SOX5: variants seen among roughly 807,000 people sequenced by gnomAD.
The protein encoded by SOX5 is SRY-box transcription factor 5, also known as transcription factor SOX-5.
In SOX5, 9 loss-of-function variants were observed where a neutral mutation model predicts 92.0. The observed-to-expected ratio is 0.10, with a 90% CI of 0.06 to 0.17. The LOEUF (loss-of-function observed/expected upper bound fraction) is 0.17. Among genes scored for constraint, SOX5 ranks in the 10% least tolerant of loss-of-function variants. The pLI is 1.00. For synonymous variants in SOX5, 344 were observed against 336.3 expected (o/e 1.02, Z -0.25); for missense variants, 642 against 944.5 (o/e 0.68, Z 4.20).
At chr12:23,620,759 A>G (rs866605681) in intron 8 of SOX5, among the ~76,000 whole-genome samples, 1 of 152,168 alleles carries the variant, frequency 6.6e-6, no homozygotes, top group Middle Eastern at 3.4e-3. Flanking sequence ...AATAGGCTTC[A>G]TTTTCAATTG....
intron 4 of SOX5, among the ~76,000 whole-genome samples, chr12:24,136,290 G>C (rs969259345): frequency 6.6e-6 from 1 of 152,220 alleles, no homozygotes; most frequent in South Asian, 2.1e-4. Context: ...GTGGAGTAGA[G>C]TCATGGGTTT....
intron 3 of SOX5, among the ~76,000 whole-genome samples, chr12:24,218,488 A>G (rs1366840582): frequency 1.3e-5 from 2 of 152,172 alleles, no homozygotes; most frequent in African/African-American, 4.8e-5. Context: ...ACACTGGAGG[A>G]GTAATGGAGA....
intron 7 of SOX5, among the ~76,000 whole-genome samples, chr12:23,647,060 C>T (rs2080949126): frequency 1.3e-5 from 2 of 152,164 alleles, no homozygotes; most frequent in Admixed American, 1.3e-4. Flanking sequence ...ATCACTGTGG[C>T]AGTGACAGGT....
At chr12:24,108,312 A>T (rs1378302128) in intron 4 of SOX5, among the ~76,000 whole-genome samples, 1 of 151,106 alleles carries the variant, frequency 6.6e-6, no homozygotes, top group Admixed American at 6.7e-5. Context: ...TAGTTTTTCC[A>T]TCCTTTTTTT....
At chr12:23,947,831 G>A (rs1944859414) in intron 1 of SOX5, among the ~76,000 whole-genome samples, 1 of 151,840 alleles carries the variant, frequency 6.6e-6, no homozygotes, top group Non-Finnish European at 1.5e-5. Context: ...GTTCACAGCA[G>A]GAAGCTTGCC....
At chr12:24,219,125 T>C (rs1959779523) in intron 3 of SOX5, among the ~76,000 whole-genome samples, 1 of 151,968 alleles carries the variant, frequency 6.6e-6, no homozygotes, top group African/African-American at 2.4e-5. Context: ...AATAGATAAA[T>C]AAATGAGAAA....
chr12:23,663,738 C>T (rs1198617446), intron 7 of SOX5, among the ~76,000 whole-genome samples: 1 of 151,484 alleles, frequency 6.6e-6, no homozygotes. Flanking sequence ...ATTTAAAAAT[C>T]AGAATTTAAA....
At chr12:24,416,376 A>T (rs970204911) in intron 1 of SOX5, among the ~76,000 whole-genome samples, 1 of 152,184 alleles carries the variant, frequency 6.6e-6, no homozygotes, top group African/African-American at 2.4e-5. Context: ...CAGGCAATGG[A>T]GGGAGATTTC....
At chr12:23,582,178 C>T (rs1950134749) in intron 9 of SOX5, 4 of 985,138 alleles carry the variant, frequency 4.1e-6, no homozygotes, top group Admixed American at 6.2e-5. Flanking sequence ...AGCTTGTGTG[C>T]AGCACTCATC....
At chr12:24,222,688 A>G (rs943899625) in intron 3 of SOX5, among the ~76,000 whole-genome samples, 4 of 152,150 alleles carry the variant, frequency 2.6e-5, no homozygotes, top group Non-Finnish European at 4.4e-5. Context: ...TTGGGAGGGG[A>G]TAGGATTAAT....
At chr12:23,756,194 C>T (rs1163375961) in intron 3 of SOX5, among the ~76,000 whole-genome samples, 1 of 150,466 alleles carries the variant, frequency 6.6e-6, no homozygotes, top group East Asian at 2.0e-4. Context: ...CATCGTGTGG[C>T]GGTAAGCACA....
At chr12:24,349,138 C>T (rs765718586) in intron 2 of SOX5, among the ~76,000 whole-genome samples, 12 of 152,190 alleles carry the variant, frequency 7.9e-5, no homozygotes, top group East Asian at 3.8e-4. Context: ...GGAGATATTT[C>T]GCTCCTTGGC....
intron 6 of SOX5, among the ~76,000 whole-genome samples, chr12:23,685,548 T>C (rs1266388316): frequency 1.3e-5 from 2 of 152,108 alleles, no homozygotes; most frequent in Non-Finnish European, 2.9e-5. Flanking sequence ...GCCCAGATTA[T>C]TCACTTCTTA....
At chr12:24,136,969 C>T (rs1369696444) in intron 4 of SOX5, among the ~76,000 whole-genome samples, 1 of 152,182 alleles carries the variant, frequency 6.6e-6, no homozygotes, top group Non-Finnish European at 1.5e-5. Context: ...AAATCTCATA[C>T]TGTGCTCCAA....
Position 23,584,843 on chromosome 12 carries a change from T to C in SOX5, c.1165-9005A>G, listed in dbSNP as rs146699106. On this transcript the variant is annotated intron_variant, in intron 9 of 14. Coordinates refer to ENST00000451604, the MANE Select transcript of SOX5 (RefSeq NM_006940.6). ...GGCAGCACCCTAGTGTTACTGAGTG[T>C]AGCATTCATATCACTGTATTTCATT... is the stretch of plus-strand genomic sequence containing the variant. 2.0e-5 allele frequency among the ~76,000 whole-genome samples: 3 copies of C among 152,242 alleles called. No homozygotes were observed. In the East Asian group the frequency reaches 5.8e-4, roughly 29 times the overall value.
chr12:23,838,461 T>C (rs2096463659), intron 3 of SOX5, among the ~76,000 whole-genome samples: 1 of 151,948 alleles, frequency 6.6e-6, no homozygotes, highest in African/African-American at 2.4e-5. Context: ...TCAAAGAATC[T>C]TGTGTATGTA....
chr12:24,234,106 T>C (rs1253580822), intron 3 of SOX5, among the ~76,000 whole-genome samples: 1 of 152,184 alleles, frequency 6.6e-6, no homozygotes, highest in East Asian at 1.9e-4. Context: ...TACTGTTCTA[T>C]AATGTGTGCT....
intron 4 of SOX5, among the ~76,000 whole-genome samples, chr12:23,976,817 GT>G (rs897225560): frequency 7.8e-4 from 115 of 147,780 alleles, no homozygotes; most frequent in African/African-American, 2.3e-3. Flanking sequence ...TGTTGTTGTT[GT>G]TTTTTTTTTT....
chr12:23,822,278 C>A (rs998244812), intron 3 of SOX5, among the ~76,000 whole-genome samples: 3 of 152,162 alleles, frequency 2.0e-5, no homozygotes, highest in African/African-American at 4.8e-5. Context: ...AAATTTCCCT[C>A]TAAATACTTG....
Sources: gnomAD v4.1 joint callset for allele counts (sites outside exome capture counted in the v4.1 genomes callset) on GRCh38, gnomAD v4.1.1 for gene constraint, MANE v1.5 for transcripts, NCBI Gene and HGNC (gene_info 2026-07-23, HGNC 2026-07-21) for gene names.